NRXN1: variants seen among roughly 807,000 people sequenced by gnomAD.
NRXN1 encodes the protein neurexin-1.
In NRXN1, 39 loss-of-function variants were observed where a neutral mutation model predicts 150.9. The observed-to-expected ratio is 0.26, with a 90% CI of 0.20 to 0.34. NRXN1 has a LOEUF of 0.34. Ranked by LOEUF, NRXN1 falls within the 10% of genes least tolerant of loss-of-function variation. The pLI is 1.00. For missense variants in NRXN1, 1,815 were observed against 1,949.9 expected, an observed-to-expected ratio of 0.93 and a Z score of 1.30; for synonymous variants, 924 against 757.0, an observed-to-expected ratio of 1.22 and a Z score of -3.62.
Position 50,705,112 on chromosome 2 carries a change from C to T in NRXN1, c.833-81497G>A, listed in dbSNP as rs565613542. ...GGAACTGCCGATTTCTAGCATAAATCTACTGTAACTCAGAACTGAATTAAT... is the reference window on the plus strand; with the variant it reads ...GGAACTGCCGATTTCTAGCATAAATTTACTGTAACTCAGAACTGAATTAAT... On this transcript the variant is annotated intron_variant, in intron 5 of 22. Transcript: ENST00000401669. Among the ~76,000 whole-genome samples, 3 of 151,318 alleles carry T rather than the reference C, an allele frequency of 2.0e-5. No individual in the cohort carries two copies. The South Asian group carries it at 6.3e-4, about 32-fold the overall frequency.
intron 8 of NRXN1, 36 bp downstream of exon 8, chr2:50,619,986 T>C (rs745526215): frequency 4.0e-6 from 6 of 1,515,606 alleles, no homozygotes; most frequent in Non-Finnish European, 5.3e-6. Context: ...GATGAGACCA[T>C]GAATTAGGAA....
chr2:50,842,923 G>C (rs1017081996), intron 5 of NRXN1, among the ~76,000 whole-genome samples: 1 of 152,142 alleles, frequency 6.6e-6, no homozygotes, highest in African/African-American at 2.4e-5. Flanking sequence ...GGATTATACA[G>C]TATACAAACG....
At chr2:50,768,827 C>T (rs915776103) in intron 5 of NRXN1, among the ~76,000 whole-genome samples, 3 of 151,716 alleles carry the variant, frequency 2.0e-5, no homozygotes, top group African/African-American at 7.3e-5. Flanking sequence ...ACTCTACATC[C>T]ACTCCCCCCA....
intron 18 of NRXN1, among the ~76,000 whole-genome samples, chr2:50,113,180 T>C (rs1325611412): frequency 3.3e-5 from 5 of 152,212 alleles, no homozygotes; most frequent in Non-Finnish European, 7.3e-5. Flanking sequence ...TGGATCACAG[T>C]AGGTACTTAA....
At chr2:50,157,113 T>C (rs568636561) in intron 18 of NRXN1, among the ~76,000 whole-genome samples, 9 of 152,006 alleles carry the variant, frequency 5.9e-5, no homozygotes, top group Non-Finnish European at 1.3e-4. Context: ...GCCTATGTGC[T>C]TAATCACTAC....
chr2:50,383,288 G>A (rs1451898912), intron 17 of NRXN1, among the ~76,000 whole-genome samples: 1 of 152,048 alleles, frequency 6.6e-6, no homozygotes, highest in East Asian at 1.9e-4. Context: ...TGGAACCCAG[G>A]TATCACGCGG....
intron 18 of NRXN1, among the ~76,000 whole-genome samples, chr2:50,229,168 G>A (rs1022897342): frequency 2.6e-5 from 4 of 152,012 alleles, no homozygotes; most frequent in African/African-American, 9.7e-5. Context: ...ACTTGCCCAT[G>A]TCTAGAGTGG....
At chr2:50,472,950 A>G (rs1363361903) in intron 15 of NRXN1, among the ~76,000 whole-genome samples, 1 of 151,916 alleles carries the variant, frequency 6.6e-6, no homozygotes, top group Non-Finnish European at 1.5e-5. Flanking sequence ...AAGCATCCAC[A>G]AGAGCAAAAG....
At chr2:50,032,606 T>C (rs1195300733) in intron 21 of NRXN1, among the ~76,000 whole-genome samples, 3 of 152,146 alleles carry the variant, frequency 2.0e-5, no homozygotes, top group South Asian at 2.1e-4. Flanking sequence ...GGAAAATTCA[T>C]AGGTTGAAAC....
intron 2 of NRXN1, among the ~76,000 whole-genome samples, chr2:51,008,277 G>C (rs1454103232): frequency 3.9e-5 from 6 of 151,944 alleles, no homozygotes; most frequent in African/African-American, 1.2e-4. Context: ...TAAAAAGAAG[G>C]GGTTTACTTT....
intron 5 of NRXN1, among the ~76,000 whole-genome samples, chr2:50,680,520 C>CGTTTG (rs1278047475): frequency 6.6e-6 from 1 of 152,004 alleles, no homozygotes; most frequent in Admixed American, 6.6e-5. Context: ...GATACAAAGT[C>CGTTTG]AAACATATGA....
chr2:51,012,269 C>A (rs950579968), intron 2 of NRXN1, among the ~76,000 whole-genome samples: 9 of 151,870 alleles, frequency 5.9e-5, no homozygotes, highest in Admixed American at 1.3e-4. Context: ...TGCCTTAGTG[C>A]AAACTGTTTT....
intron 17 of NRXN1, among the ~76,000 whole-genome samples, chr2:50,288,789 AT>A (rs1359677753): frequency 1.3e-5 from 2 of 152,168 alleles, no homozygotes; most frequent in East Asian, 3.9e-4. Context: ...GAATTATGGG[AT>A]GTACACTTCA....
intron 21 of NRXN1, among the ~76,000 whole-genome samples, chr2:49,982,770 CT>C (rs1195808425): frequency 1.3e-5 from 2 of 152,046 alleles, no homozygotes; most frequent in Non-Finnish European, 2.9e-5. Context: ...CATTTCTATT[CT>C]GCATTTCTGC....
intron 21 of NRXN1, among the ~76,000 whole-genome samples, chr2:49,979,609 A>G (rs992944994): frequency 1.6e-4 from 24 of 152,328 alleles, no homozygotes; most frequent in Admixed American, 4.6e-4. Flanking sequence ...TTCAAAAGAC[A>G]TATGTCAGAA....
chr2:50,405,933 C>G (rs948226843), intron 17 of NRXN1, among the ~76,000 whole-genome samples: 1 of 152,026 alleles, frequency 6.6e-6, no homozygotes, highest in Non-Finnish European at 1.5e-5. Flanking sequence ...AACTCTGCAA[C>G]GCTAGATAAT....
At chr2:50,921,442 C>T (rs768036688) in intron 5 of NRXN1, among the ~76,000 whole-genome samples, 5 of 151,810 alleles carry the variant, frequency 3.3e-5, no homozygotes, top group Non-Finnish European at 7.4e-5. Context: ...GATGATGCAC[C>T]CACAGCAGTA....
chr2:50,057,001 T>C (rs932850346), intron 19 of NRXN1, among the ~76,000 whole-genome samples: 1 of 152,080 alleles, frequency 6.6e-6, no homozygotes, highest in Admixed American at 6.6e-5. Flanking sequence ...AGGTCGCAAA[T>C]CCCTCTTGCC....
At chr2:50,046,105 T>A (rs1398847499) in intron 21 of NRXN1, among the ~76,000 whole-genome samples, 1 of 152,204 alleles carries the variant, frequency 6.6e-6, no homozygotes, top group Non-Finnish European at 1.5e-5. Context: ...AGAAACTTCC[T>A]GAGTGCTCAG....
Sources: allele counts gnomAD v4.1 joint callset (sites outside exome capture counted in the v4.1 genomes callset), GRCh38; gene constraint gnomAD v4.1.1; transcripts MANE v1.5; gene names NCBI Gene and HGNC (gene_info 2026-07-23, HGNC 2026-07-21).